Variants in VPS13C observed in about 807,000 individuals in gnomAD.
The protein encoded by VPS13C is vacuolar protein sorting 13 homolog C, also known as intermembrane lipid transfer protein VPS13C.
Under a neutral mutation model 456.8 loss-of-function variants are expected in VPS13C, and 358 were observed. The observed-to-expected ratio is 0.78, with a 90% confidence interval of 0.72 to 0.86. The LOEUF (loss-of-function observed/expected upper bound fraction) is 0.86. Among genes scored for constraint, VPS13C ranks in the 40% least tolerant of loss-of-function variants. The probability of loss-of-function intolerance (pLI) is 0.00; values close to 1 mark genes in which losing one functional copy is unlikely to be tolerated. For synonymous variants in VPS13C, 1,578 were observed against 1,486.7 expected (o/e 1.06, Z -1.41); for missense variants, 4,818 against 4,385.4 (o/e 1.10, Z -2.79).
intron 47 of VPS13C, among the ~76,000 whole-genome samples, chr15:61,939,568 C>T (rs1408863196): frequency 6.6e-6 from 1 of 152,160 alleles, no homozygotes; most frequent in African/African-American, 2.4e-5. Flanking sequence ...ATCCCATCCT[C>T]GGCTGTTTGG....
At chr15:61,856,960 T>G (rs907237766) in intron 82 of VPS13C, among the ~76,000 whole-genome samples, 3 of 152,140 alleles carry the variant, frequency 2.0e-5, no homozygotes, top group Non-Finnish European at 4.4e-5. Flanking sequence ...TTGAACACTT[T>G]AATGCTAATA....
intron 77 of VPS13C, among the ~76,000 whole-genome samples, chr15:61,874,625 A>G (rs942877081): frequency 1.3e-5 from 2 of 152,044 alleles, no homozygotes; most frequent in Non-Finnish European, 2.9e-5. Context: ...CCATCTAACA[A>G]GAAAAGGAAT....
At chr15:62,020,358 T>C (rs2047417904) in intron 9 of VPS13C, 121 bp downstream of exon 9, 2 of 737,612 alleles carry the variant, frequency 2.7e-6, no homozygotes, top group Admixed American at 3.7e-5. Flanking sequence ...TTGTTTAGCA[T>C]GATAATATAT....
intron 1 of VPS13C, among the ~76,000 whole-genome samples, chr15:62,059,571 A>T (rs1460357977): frequency 6.6e-6 from 1 of 152,264 alleles, no homozygotes; most frequent in East Asian, 1.9e-4. Context: ...GCAACCAAGC[A>T]GACACCTAAT....
chr15:61,857,244 G>T (rs1387169057), intron 82 of VPS13C, among the ~76,000 whole-genome samples: 1 of 152,062 alleles, frequency 6.6e-6, no homozygotes, highest in Non-Finnish European at 1.5e-5. Context: ...GTAAATAAAC[G>T]CTACAGCACA....
chr15:61,953,797 T>C (rs78878254), intron 38 of VPS13C, among the ~76,000 whole-genome samples: 2 of 152,286 alleles, frequency 1.3e-5, no homozygotes, highest in Non-Finnish European at 2.9e-5. Context: ...AAATCTTTTA[T>C]GACCCTCTCA....
Position 61,911,840 on chromosome 15 carries a change from C to G in VPS13C, c.8715G>C (p.Glu2905Asp). The G allele has an allele frequency of 6.3e-7, 1 of 1,586,266 alleles. No individual in the cohort carries two copies. The highest frequency in any genetic ancestry group is 8.6e-7 in the Non-Finnish European group (1 of 1,166,170). The change falls in exon 63 of 85, where the codon GAG becomes GAC. Residue 2905 changes from glutamate to aspartate, a missense_variant and splice_region_variant. Physicochemically the swap from Glu to Asp is conservative, Grantham distance 45. Around this residue, in one of 3 missense-constraint regions of VPS13C, gnomAD observed 4,552 missense variants for 4,130.6 expected, o/e 1.10. Coordinates refer to ENST00000644861, the MANE Select transcript of VPS13C (RefSeq NM_020821.3). The part of the protein sequence containing the change: ...TNKWNYIASS[E>D]CLPFWPESLS... ...CAGTTGTAACAAAGAAAAATGCTAC[C>G]TCTGAAGAAGCAATATAGTTCCATT...
chr15:61,882,806 GT>G lies in VPS13C; in HGVS notation c.9484-71del, dbSNP rs557700193. 5.9e-3 allele frequency: 8,303 copies of G among 1,412,854 alleles called. 35 individuals carry two copies. The highest frequency in any genetic ancestry group is 7.0e-3 in the Non-Finnish European group (7,530 of 1,073,682). The allele number at this position is 1,412,854 out of a possible 1,614,324, so 87.5% of individuals were successfully genotyped here. A position where few individuals can be genotyped will look rare whatever the true frequency, so the allele number is the denominator to read the frequency against. ...AGTAGCTATTCCATTTTTAATATCT[GT>G]TTATTGATCAAATTGAAAAAATCTT... On this transcript the variant is annotated intron_variant, in intron 68 of 84. Transcript: ENST00000644861.
intron 9 of VPS13C, among the ~76,000 whole-genome samples, chr15:62,016,713 G>A (rs1192051077): frequency 1.3e-5 from 2 of 151,852 alleles, no homozygotes; most frequent in African/African-American, 2.4e-5. Flanking sequence ...GCTATTGTGA[G>A]TAGTGCTGCA....
At chr15:62,046,232 G>A (rs76298778) in intron 1 of VPS13C, among the ~76,000 whole-genome samples, 1,664 of 152,152 alleles carry the variant, frequency 0.011, 40 homozygotes, top group African/African-American at 0.038. Context: ...AAGTAAAACC[G>A]AAAATAAGGC....
At chr15:62,037,392 T>G (rs1461995341) in intron 3 of VPS13C, among the ~76,000 whole-genome samples, 1 of 88,536 alleles carries the variant, frequency 1.1e-5, no homozygotes, top group African/African-American at 3.9e-5. Context: ...ATGTATATAA[T>G]ATATTATATA....
chr15:61,948,565 C>T (rs1262438898), intron 42 of VPS13C, among the ~76,000 whole-genome samples: 6 of 152,008 alleles, frequency 3.9e-5, no homozygotes, highest in Non-Finnish European at 1.5e-5. Flanking sequence ...CACCTGTAAT[C>T]CCAGCTACTT....
intron 2 of VPS13C, among the ~76,000 whole-genome samples, chr15:62,042,767 A>G (rs1361991348): frequency 6.6e-6 from 1 of 152,088 alleles, no homozygotes; most frequent in Non-Finnish European, 1.5e-5. Flanking sequence ...TGAATAAAAA[A>G]TATAAATTAC....
chr15:61,911,721 C>CT, intron 63 of VPS13C, 119 bp downstream of exon 63: 1 of 1,018,748 alleles, frequency 9.8e-7, no homozygotes, highest in Non-Finnish European at 1.3e-6. Context: ...TCAAAGCTGG[C>CT]TGTCATATTT....
intron 5 of VPS13C, among the ~76,000 whole-genome samples, chr15:62,031,794 C>A (rs1397896959): frequency 6.6e-6 from 1 of 151,890 alleles, no homozygotes; most frequent in African/African-American, 2.4e-5. Flanking sequence ...ATAATAGCCT[C>A]TTTGTCAGAC....
Position 61,934,172 on chromosome 15 carries a change from A to G in VPS13C, c.5868+47T>C, listed in dbSNP as rs79801507. 2.3e-3 allele frequency: 3,040 copies of G among 1,322,254 alleles called. 56 individuals are homozygous for G. In the African/African-American group the frequency reaches 0.04, roughly 17 times the overall value. The allele number at this position is 1,322,254 out of a possible 1,614,324, so 81.9% of individuals were successfully genotyped here. ...AAAAGCCAACACTCTAAAACTGACT[A>G]TCAAGAGCTAAGGATTTATTTCTAA... On this transcript the variant is annotated intron_variant, in intron 49 of 84. Coordinates refer to ENST00000644861, the MANE Select transcript of VPS13C (RefSeq NM_020821.3).
intron 66 of VPS13C, 156 bp downstream of exon 66, chr15:61,907,108 T>C (rs2140134521): frequency 2.1e-6 from 2 of 973,586 alleles, no homozygotes; most frequent in South Asian, 1.4e-5. Context: ...TGGTTTGAAC[T>C]ACAGTATTTG....
At chr15:61,872,732 A>T (rs975350653) in intron 78 of VPS13C, among the ~76,000 whole-genome samples, 11 of 152,124 alleles carry the variant, frequency 7.2e-5, no homozygotes, top group Admixed American at 2.0e-4. Context: ...TTCTAGCCTT[A>T]CTTATAATGT....
Position 61,990,899 on chromosome 15 carries a change from T to C in VPS13C, c.1578+101A>G, listed in dbSNP as rs34042779. The C allele has an allele frequency of 0.07, 52,652 of 752,640 alleles. 2,103 individuals carry two copies. Among genetic ancestry groups the C allele is most frequent in the Non-Finnish European group, 0.084 (38,094 of 454,698 alleles). 46.6% of individuals were successfully genotyped at this position (752,640 alleles called of 1,614,324 possible). Reference sequence around the variant, plus strand: ...CAACCATTAAGTAGCAGAGTGGAATTAATAACATTTATATTACTTAAAAAA... The same window carrying C: ...CAACCATTAAGTAGCAGAGTGGAATCAATAACATTTATATTACTTAAAAAA... On this transcript the variant is annotated intron_variant, in intron 18 of 84. Coordinates refer to ENST00000644861, the MANE Select transcript of VPS13C (RefSeq NM_020821.3).
Sources: gnomAD v4.1 joint callset for allele counts (sites outside exome capture counted in the v4.1 genomes callset) on GRCh38, gnomAD v4.1.1 for gene constraint, gnomAD v4.1.1 regional missense constraint, MANE v1.5 for transcripts, NCBI Gene and HGNC (gene_info 2026-07-23, HGNC 2026-07-21) for gene names.